PIWIL1: variants seen among roughly 807,000 people sequenced by gnomAD.
PIWIL1 encodes piwi like RNA-mediated gene silencing 1, also known as piwi-like protein 1.
PIWIL1 carries 73 observed loss-of-function variants against 114.4 expected under a neutral mutation model. That is an observed-to-expected ratio of 0.64 (90% CI 0.53 to 0.78). The LOEUF (loss-of-function observed/expected upper bound fraction) is 0.78, where lower values mean the gene tolerates loss of function less well. Ranked by LOEUF, PIWIL1 falls within the 30% of genes least tolerant of loss-of-function variation. The pLI is 0.00. For missense variants in PIWIL1, 723 were observed against 1,063.1 expected (o/e 0.68, Z 4.45); for synonymous variants, 375 against 369.0 (o/e 1.02, Z -0.19).
chr12:130,412,719 A>G, the PIWIL1 span: 39 of 1,613,880 alleles, frequency 2.4e-5, no homozygotes, highest in Admixed American at 3.8e-4. Flanking sequence ...CCATGTTACA[A>G]GGAATAAGGC....
intron 2 of PIWIL1, 123 bp downstream of exon 2, chr12:130,342,792 C>T (rs2072960417): frequency 1.3e-6 from 1 of 792,864 alleles, no homozygotes; most frequent in South Asian, 1.6e-5. Flanking sequence ...GAGATCATGC[C>T]CTGTTTCCTC....
chr12:130,411,951 G>T, the PIWIL1 span, among the ~76,000 whole-genome samples: 1 of 152,006 alleles, frequency 6.6e-6, no homozygotes, highest in Non-Finnish European at 1.5e-5. Flanking sequence ...CCTTAAATAT[G>T]AATGATATAA....
the PIWIL1 span, chr12:130,424,736 A>G: frequency 8.1e-7 from 1 of 1,232,218 alleles, no homozygotes; most frequent in Non-Finnish European, 1.0e-6. The surrounding 1 kb of genome is among the most constrained non-coding windows in gnomAD (Gnocchi z 9.8). Context: ...GTAGCAGCCC[A>G]CAGCACTCTC....
At chr12:130,385,575 C>T in the PIWIL1 span, among the ~76,000 whole-genome samples, 4 of 152,136 alleles carry the variant, frequency 2.6e-5, no homozygotes, top group Admixed American at 2.0e-4. Context: ...TCTATGTGAA[C>T]GGCTTATAGA....
the PIWIL1 span, among the ~76,000 whole-genome samples, chr12:130,418,520 A>G: frequency 1.3e-3 from 197 of 152,276 alleles, 1 homozygote; most frequent in African/African-American, 4.5e-3. Context: ...CTTAATGACC[A>G]TGTCAGTGTG....
the PIWIL1 span, among the ~76,000 whole-genome samples, chr12:130,393,149 CCATCATCA>C: frequency 9.8e-4 from 148 of 151,086 alleles, no homozygotes; most frequent in Admixed American, 1.6e-3. Flanking sequence ...GACCCGGTCA[CCATCATCA>C]CGTGTGTCCG....
At chr12:130,423,857 C>A in the PIWIL1 span, among the ~76,000 whole-genome samples, 1 of 151,964 alleles carries the variant, frequency 6.6e-6, no homozygotes, top group Admixed American at 6.6e-5. Context: ...TTCAGCTAAC[C>A]CTTAATTAAA....
intron 1 of PIWIL1, among the ~76,000 whole-genome samples, chr12:130,339,008 G>T (rs2072813913): frequency 6.6e-6 from 1 of 151,966 alleles, no homozygotes; most frequent in African/African-American, 2.4e-5. Context: ...CTCTGCAGGA[G>T]GGCCTTCGGG....
chr12:130,345,897 A>C lies in PIWIL1; in HGVS notation c.316+19A>C, dbSNP rs538555629. The stretch of plus-strand genomic sequence containing the variant: ...AAAACAGGTAGGTTAATTAAGAATA[A>C]GTTTTGTGAGATTACATCTCAGGAA... On this transcript the variant is annotated intron_variant, in intron 4 of 20. Transcript: ENST00000245255. 1 of 1,612,014 alleles carries C rather than the reference A, an allele frequency of 6.2e-7. No homozygotes were observed. Among genetic ancestry groups the C allele is most frequent in the African/African-American group, 1.3e-5 (1 of 75,004 alleles).
intron 3 of PIWIL1, 139 bp downstream of exon 3, chr12:130,343,240 A>G: frequency 1.7e-6 from 1 of 586,974 alleles, no homozygotes; most frequent in South Asian, 2.4e-5. Context: ...CAACACACAA[A>G]TCAATTGTGG....
chr12:130,348,588 C>T (rs1364241441), intron 7 of PIWIL1, among the ~76,000 whole-genome samples: 1 of 152,054 alleles, frequency 6.6e-6, no homozygotes, highest in Non-Finnish European at 1.5e-5. Flanking sequence ...GCACGTGTGC[C>T]CCTTGAATCT....
intron 7 of PIWIL1, 32 bp downstream of exon 7, chr12:130,348,215 T>C (rs773416474): frequency 1.0e-5 from 13 of 1,287,228 alleles, no homozygotes; most frequent in Non-Finnish European, 1.1e-5. Context: ...TAATATTCCT[T>C]AGGCTTAATG....
the PIWIL1 span, among the ~76,000 whole-genome samples, chr12:130,381,421 G>A: frequency 3.3e-5 from 5 of 152,166 alleles, no homozygotes; most frequent in East Asian, 3.9e-4. Context: ...TGAATCACAC[G>A]GTATGTAACT....
chr12:130,342,182 G>GTGTC (rs1555226471), intron 1 of PIWIL1: 12 of 191,156 alleles, frequency 6.3e-5, no homozygotes, highest in Non-Finnish European at 1.3e-4. Context: ...GTGTGTGTGT[G>GTGTC]TGTGTGTGTC....
the PIWIL1 span, among the ~76,000 whole-genome samples, chr12:130,382,715 C>T: frequency 6.6e-6 from 1 of 152,146 alleles, no homozygotes; most frequent in South Asian, 2.1e-4. Context: ...TCAATGTCTT[C>T]CTCTTCTCTC....
intron 9 of PIWIL1, among the ~76,000 whole-genome samples, chr12:130,351,987 TCCCCCACTGTGC>T (rs1476832673): frequency 6.6e-6 from 1 of 152,100 alleles, no homozygotes; most frequent in Non-Finnish European, 1.5e-5. Context: ...TCATGGCGTG[TCCCCCACTGTGC>T]CTTTAGACTA....
chr12:130,365,214 C>G (rs144298539), intron 18 of PIWIL1, among the ~76,000 whole-genome samples: 2 of 152,088 alleles, frequency 1.3e-5, no homozygotes, highest in Admixed American at 1.3e-4. Flanking sequence ...TGCACTGTTG[C>G]GTGAAGTAGA....
chr12:130,408,294 T>C, the PIWIL1 span, among the ~76,000 whole-genome samples: 21 of 152,196 alleles, frequency 1.4e-4, no homozygotes, highest in African/African-American at 5.1e-4. Context: ...CATGCTCCCC[T>C]AAGCATAGGC....
At chr12:130,404,438 C>G in the PIWIL1 span, among the ~76,000 whole-genome samples, 1 of 152,202 alleles carries the variant, frequency 6.6e-6, no homozygotes, top group Non-Finnish European at 1.5e-5. Context: ...GCTGGGATTA[C>G]AGGCACATGC....
Sources: allele counts gnomAD v4.1 joint callset (sites outside exome capture counted in the v4.1 genomes callset), GRCh38; gene constraint gnomAD v4.1.1; non-coding constraint Gnocchi (gnomAD v3.1); transcripts MANE v1.5; gene names NCBI Gene and HGNC (gene_info 2026-07-23, HGNC 2026-07-21).